The following SRPK2 variants were observed in gnomAD, a reference collection of about 807,000 sequenced individuals.
The protein encoded by SRPK2 is SRSF protein kinase 2, also known as SFRS protein kinase 2.
A neutral mutation model predicts 90.8 loss-of-function variants in SRPK2; 21 were observed. The observed-to-expected ratio is 0.23, with a 90% CI of 0.16 to 0.33. SRPK2 has a LOEUF of 0.33. SRPK2 is among the 10% of genes least tolerant of loss of function. The pLI is 1.00. For synonymous variants in SRPK2, 288 were observed against 311.1 expected (o/e 0.93, Z 0.78); for missense variants, 620 against 869.0 (o/e 0.71, Z 3.60).
chr7:105,247,497 G>A (rs1026273862), intron 2 of SRPK2, among the ~76,000 whole-genome samples: 3 of 135,242 alleles, frequency 2.2e-5, no homozygotes, highest in African/African-American at 8.0e-5. Context: ...TAACACCGGA[G>A]TGCCATACAT....
intron 2 of SRPK2, among the ~76,000 whole-genome samples, chr7:105,338,472 C>T (rs1453796123): frequency 6.6e-6 from 1 of 152,152 alleles, no homozygotes; most frequent in East Asian, 1.9e-4. Context: ...ATTTCAAACT[C>T]CTGACCTCAG....
intron 2 of SRPK2, among the ~76,000 whole-genome samples, chr7:105,353,270 C>A (rs1010455809): frequency 6.6e-6 from 1 of 152,172 alleles, no homozygotes; most frequent in African/African-American, 2.4e-5. Context: ...CTGAACATTT[C>A]TGTGCCTCAG....
chr7:105,244,743 G>T (rs1015871987), intron 2 of SRPK2: 2 of 1,089,434 alleles, frequency 1.8e-6, no homozygotes. Flanking sequence ...CGCCGCCGCG[G>T]GCGTCTGACC....
At chr7:105,355,573 A>C (rs1014544402) in intron 2 of SRPK2, among the ~76,000 whole-genome samples, 1 of 152,082 alleles carries the variant, frequency 6.6e-6, no homozygotes, top group African/African-American at 2.4e-5. Flanking sequence ...AGGACTGCTT[A>C]AGCCTGGGAG....
chr7:105,255,793 G>A (rs1266593490), intron 2 of SRPK2, among the ~76,000 whole-genome samples: 1 of 151,958 alleles, frequency 6.6e-6, no homozygotes, highest in Non-Finnish European at 1.5e-5. Context: ...TTAGCTGGAC[G>A]TGCTGGTGGG....
intron 2 of SRPK2, among the ~76,000 whole-genome samples, chr7:105,290,804 C>A (rs989154392): frequency 3.3e-5 from 5 of 149,622 alleles, no homozygotes; most frequent in Admixed American, 6.7e-5. Flanking sequence ...TTTGGGAGGC[C>A]GAGGCGGGTG....
At chr7:105,352,123 T>G (rs948712457) in intron 2 of SRPK2, among the ~76,000 whole-genome samples, 1 of 152,188 alleles carries the variant, frequency 6.6e-6, no homozygotes, top group African/African-American at 2.4e-5. Flanking sequence ...CCCCGTCTTT[T>G]AACTCTTCAC....
intron 2 of SRPK2, among the ~76,000 whole-genome samples, chr7:105,259,499 C>T (rs1018172188): frequency 1.3e-5 from 2 of 152,260 alleles, no homozygotes; most frequent in East Asian, 3.9e-4. Context: ...CATCAAGCTA[C>T]CAATGACTTT....
At chr7:105,282,532 G>A (rs890140209) in intron 2 of SRPK2, among the ~76,000 whole-genome samples, 1 of 152,242 alleles carries the variant, frequency 6.6e-6, no homozygotes, top group South Asian at 2.1e-4. Flanking sequence ...GCCAGGGGCA[G>A]AGGCTCATAC....
chr7:105,209,554 A>C (rs1796605693), intron 2 of SRPK2, among the ~76,000 whole-genome samples: 1 of 151,856 alleles, frequency 6.6e-6, no homozygotes, highest in East Asian at 1.9e-4. Flanking sequence ...AAAAGAAAGA[A>C]GAAAATAGAA....
intron 3 of SRPK2, among the ~76,000 whole-genome samples, chr7:105,176,047 T>G (rs1455822170): frequency 6.6e-6 from 1 of 152,158 alleles, no homozygotes; most frequent in Non-Finnish European, 1.5e-5. Flanking sequence ...AGACCAATTT[T>G]CCTCATAATG....
intron 2 of SRPK2, among the ~76,000 whole-genome samples, chr7:105,363,551 G>A (rs1305817560): frequency 2.6e-5 from 4 of 152,186 alleles, no homozygotes; most frequent in African/African-American, 4.8e-5. Flanking sequence ...AGGATGTGGA[G>A]AAATAGGAAC....
intron 3 of SRPK2, among the ~76,000 whole-genome samples, chr7:105,196,464 T>A (rs1794925751): frequency 6.6e-6 from 1 of 152,162 alleles, no homozygotes; most frequent in African/African-American, 2.4e-5. Context: ...CTGCTGACAT[T>A]AGGAGCTGAG....
At chr7:105,270,014 C>G (rs546924700) in intron 2 of SRPK2, among the ~76,000 whole-genome samples, 2 of 151,842 alleles carry the variant, frequency 1.3e-5, no homozygotes, top group Non-Finnish European at 2.9e-5. Context: ...AAAATGTTGA[C>G]TATATAAATC....
At chr7:105,218,944 A>G (rs918750767) in intron 2 of SRPK2, among the ~76,000 whole-genome samples, 6 of 152,254 alleles carry the variant, frequency 3.9e-5, no homozygotes, top group African/African-American at 1.4e-4. Flanking sequence ...ATTTTTTTTA[A>G]AAAAATAATG....
chr7:105,213,621 AAAGT>A (rs761221269), intron 2 of SRPK2, among the ~76,000 whole-genome samples: 15 of 152,168 alleles, frequency 9.9e-5, no homozygotes, highest in Non-Finnish European at 1.3e-4. Flanking sequence ...TACATATACA[AAAGT>A]AAGCCTACCT....
intron 2 of SRPK2, among the ~76,000 whole-genome samples, chr7:105,233,134 A>G (rs866785371): frequency 2.0e-5 from 3 of 147,994 alleles, no homozygotes; most frequent in African/African-American, 7.5e-5. Context: ...GAAGGAAGGA[A>G]GGAAGGAAGG....
intron 2 of SRPK2, among the ~76,000 whole-genome samples, chr7:105,222,615 C>T (rs765544341): frequency 1.1e-4 from 17 of 152,124 alleles, no homozygotes; most frequent in Non-Finnish European, 2.4e-4. Flanking sequence ...ACTATAATGC[C>T]AAAGCATTCC....
chr7:105,160,637 T>A, intron 6 of SRPK2, 24 bp from the exon 7 acceptor site: 1 of 1,444,730 alleles, frequency 6.9e-7, no homozygotes, highest in South Asian at 1.1e-5. Context: ...AAGGATCGTT[T>A]GTGGATGCAC....
Sources: allele counts gnomAD v4.1 joint callset (sites outside exome capture counted in the v4.1 genomes callset), GRCh38; gene constraint gnomAD v4.1.1; transcripts MANE v1.5; gene names NCBI Gene and HGNC (gene_info 2026-07-23, HGNC 2026-07-21).